The following LRP1B variants were observed in gnomAD, a reference collection of about 807,000 sequenced individuals.
LRP1B encodes the protein LDL receptor related protein 1B.
A neutral mutation model predicts 556.6 loss-of-function variants in LRP1B; 217 were observed. The ratio of observed to expected loss-of-function variants is 0.39; its 90% CI spans 0.35 to 0.44. The LOEUF is 0.44. Among genes scored for constraint, LRP1B ranks in the 20% least tolerant of loss-of-function variants. The pLI is 1.00. For missense variants in LRP1B, 5,053 were observed against 5,620.8 expected (o/e 0.90, Z 3.23); for synonymous variants, 2,047 against 1,865.8 (o/e 1.10, Z -2.50).
At chr2:140,867,281 C>T (rs1413286325) in intron 27 of LRP1B, among the ~76,000 whole-genome samples, 2 of 151,934 alleles carry the variant, frequency 1.3e-5, no homozygotes, top group Non-Finnish European at 2.9e-5. Context: ...TCTCATGTAC[C>T]ACCCCCTCTC....
At chr2:141,637,101 C>T (rs1689131739) in intron 2 of LRP1B, among the ~76,000 whole-genome samples, 1 of 152,020 alleles carries the variant, frequency 6.6e-6, no homozygotes, top group Admixed American at 6.6e-5. Context: ...AGCATGTGAA[C>T]TATGACAGAA....
intron 1 of LRP1B, among the ~76,000 whole-genome samples, chr2:142,081,122 G>A (rs1559060141): frequency 6.6e-6 from 1 of 152,046 alleles, no homozygotes; most frequent in Non-Finnish European, 1.5e-5. Context: ...TGGAGTTAAA[G>A]AGAAGTAATA....
At chr2:141,521,393 C>G (rs1159448697) in intron 2 of LRP1B, among the ~76,000 whole-genome samples, 1 of 151,984 alleles carries the variant, frequency 6.6e-6, no homozygotes, top group Non-Finnish European at 1.5e-5. Flanking sequence ...CTTCCTCCCT[C>G]TTTTCCTTCC....
chr2:140,736,051 T>C (rs1344660033), intron 35 of LRP1B, among the ~76,000 whole-genome samples: 1 of 152,118 alleles, frequency 6.6e-6, no homozygotes, highest in African/African-American at 2.4e-5. Flanking sequence ...TCTGCTAGGG[T>C]GGCTCTTAAA....
At chr2:141,483,991 G>T (rs78003136) in intron 2 of LRP1B, among the ~76,000 whole-genome samples, 58,779 of 151,506 alleles carry the variant, frequency 0.39, 12,010 homozygotes, top group East Asian at 0.64. Flanking sequence ...GTCAATTTTG[G>T]CTTTTGTTGC....
intron 32 of LRP1B, among the ~76,000 whole-genome samples, chr2:140,802,672 C>T (rs2105011655): frequency 6.6e-6 from 1 of 152,084 alleles, no homozygotes; most frequent in Middle Eastern, 3.4e-3. Flanking sequence ...ATATAGTATG[C>T]CCAAAGCATT....
At chr2:140,419,625 A>C (rs1607389) in intron 66 of LRP1B, among the ~76,000 whole-genome samples, 4,725 of 152,302 alleles carry the variant, frequency 0.031, 231 homozygotes, top group African/African-American at 0.11. Context: ...ATGAAATCAA[A>C]TTAAGACAAA....
chr2:141,630,863 T>G (rs1481345990), intron 2 of LRP1B, among the ~76,000 whole-genome samples: 1 of 152,222 alleles, frequency 6.6e-6, no homozygotes, highest in Admixed American at 6.5e-5. Context: ...AGCTTCTTAA[T>G]TTTTTTCTAA....
intron 4 of LRP1B, among the ~76,000 whole-genome samples, chr2:141,252,672 G>A (rs418461): frequency 0.36 from 54,322 of 151,884 alleles, 9,756 homozygotes; most frequent in South Asian, 0.47. Flanking sequence ...CAATATGATC[G>A]ATTATCTCTT....
At position 141,655,752 on chromosome 2, in the gene LRP1B, G is replaced by A. The variant is rs980819770; in HGVS notation, c.205+154527C>T. Reference sequence around the variant, plus strand: ...ATAACTTTGCCATTTAATTGCTGGAGATAAGGCAGTTCAAGACTGTTAACT... The same window carrying A: ...ATAACTTTGCCATTTAATTGCTGGAAATAAGGCAGTTCAAGACTGTTAACT... On this transcript the variant is annotated intron_variant, in intron 2 of 90. Transcript: ENST00000389484. Among the ~76,000 whole-genome samples, 17 of 152,074 alleles carry A rather than the reference G, an allele frequency of 1.1e-4. 1 individual carries two copies. The highest frequency in any genetic ancestry group is 9.2e-4 in the Admixed American group (14 of 15,256).
intron 41 of LRP1B, among the ~76,000 whole-genome samples, chr2:140,620,493 T>C (rs988631333): frequency 6.6e-6 from 1 of 152,222 alleles, no homozygotes; most frequent in Non-Finnish European, 1.5e-5. Context: ...GTAATGTTTT[T>C]GGAAAGTATG....
intron 32 of LRP1B, among the ~76,000 whole-genome samples, chr2:140,780,287 T>C (rs1689652581): frequency 1.3e-5 from 2 of 152,146 alleles, no homozygotes. Flanking sequence ...TTTATAAAAA[T>C]ATTAAAGGAT....
chr2:140,402,365 C>A (rs1309002212), intron 66 of LRP1B, among the ~76,000 whole-genome samples: 2 of 152,156 alleles, frequency 1.3e-5, no homozygotes, highest in African/African-American at 4.8e-5. Context: ...GAGAAGGGAT[C>A]TCTTTTCTTC....
chr2:142,116,192 CAAAAAAAAA>C (rs70994477), intron 1 of LRP1B, among the ~76,000 whole-genome samples: 3 of 65,460 alleles, frequency 4.6e-5, no homozygotes, highest in African/African-American at 1.3e-4. Context: ...GAGTCTGTCT[CAAAAAAAAA>C]AAAAAAAAAA....
chr2:141,866,981 G>A lies in LRP1B; in HGVS notation c.83-56580C>T, dbSNP rs529243677. 6.9e-4 allele frequency among the ~76,000 whole-genome samples: 105 copies of A among 152,228 alleles called. 1 individual carries two copies. Among genetic ancestry groups the A allele is most frequent in the Non-Finnish European group, 1.2e-3 (83 of 67,986 alleles). On this transcript the variant is annotated intron_variant, in intron 1 of 90. Coordinates refer to ENST00000389484, the MANE Select transcript of LRP1B (RefSeq NM_018557.3). The stretch of plus-strand genomic sequence containing the variant: ...TGTCAGTATCTGTGGAGTGGATGAC[G>A]TATCTGGAAGTAGGTTTCTTTGGAC...
chr2:140,554,646 T>C (rs11673851), intron 43 of LRP1B, among the ~76,000 whole-genome samples: 19,675 of 152,120 alleles, frequency 0.13, 1,462 homozygotes, highest in Middle Eastern at 0.28. Context: ...CAAGAGCTTT[T>C]ATTTTCTCAG....
intron 6 of LRP1B, among the ~76,000 whole-genome samples, chr2:141,211,914 T>C (rs934445592): frequency 6.6e-5 from 10 of 152,132 alleles, no homozygotes; most frequent in Non-Finnish European, 1.5e-4. Flanking sequence ...AACAGGGAAG[T>C]AATTTTATTA....
At chr2:141,084,799 A>G (rs1163258004) in intron 7 of LRP1B, among the ~76,000 whole-genome samples, 4 of 151,906 alleles carry the variant, frequency 2.6e-5, no homozygotes, top group Middle Eastern at 3.2e-3. Context: ...ACAGGTGCCC[A>G]TCACCACGCC....
chr2:140,474,662 T>C (rs1371124196), intron 60 of LRP1B, among the ~76,000 whole-genome samples: 1 of 152,000 alleles, frequency 6.6e-6, no homozygotes, highest in Non-Finnish European at 1.5e-5. Flanking sequence ...TCCTTGTCTG[T>C]TACTATTTTG....
Sources: gnomAD v4.1 joint callset for allele counts (sites outside exome capture counted in the v4.1 genomes callset) on GRCh38, gnomAD v4.1.1 for gene constraint, MANE v1.5 for transcripts, NCBI Gene and HGNC (gene_info 2026-07-23, HGNC 2026-07-21) for gene names.